FILIP1L: variants seen among roughly 807,000 people sequenced by gnomAD.
FILIP1L encodes the protein filamin A-interacting protein 1-like.
FILIP1L carries 55 observed loss-of-function variants against 96.6 expected under a neutral mutation model. The ratio of observed to expected loss-of-function variants is 0.57; its 90% CI spans 0.46 to 0.71. The LOEUF (loss-of-function observed/expected upper bound fraction) is 0.71. Ranked by LOEUF, FILIP1L falls within the 30% of genes least tolerant of loss-of-function variation. The pLI is 0.00. For missense variants in FILIP1L, 1,304 were observed against 1,321.2 expected, an observed-to-expected ratio of 0.99 and a Z score of 0.20; for synonymous variants, 467 against 473.9, an observed-to-expected ratio of 0.99 and a Z score of 0.19.
chr3:99,842,543 A>G (rs541551553), intron 5 of FILIP1L, among the ~76,000 whole-genome samples: 1 of 152,280 alleles, frequency 6.6e-6, no homozygotes, highest in East Asian at 1.9e-4. Context: ...TAACCCCTCA[A>G]ATATCATACC....
intron 1 of FILIP1L, chr3:100,023,514 G>A (rs1018125549): frequency 6.6e-6 from 1 of 152,594 alleles, no homozygotes; most frequent in Non-Finnish European, 1.5e-5. Flanking sequence ...TACTAAATGT[G>A]AAAGAACTGT....
chr3:100,014,206 T>A (rs1036717992), intron 1 of FILIP1L, among the ~76,000 whole-genome samples: 1 of 150,888 alleles, frequency 6.6e-6, no homozygotes, highest in Non-Finnish European at 1.5e-5. Flanking sequence ...ATATATATAT[T>A]ATATATATAT....
At chr3:99,994,639 G>A (rs550244327) in intron 1 of FILIP1L, among the ~76,000 whole-genome samples, 66 of 152,226 alleles carry the variant, frequency 4.3e-4, no homozygotes, top group African/African-American at 1.5e-3. Context: ...CAATCACTGG[G>A]TGTATTAGTC....
chr3:100,007,394 A>G (rs1710018222), intron 1 of FILIP1L, among the ~76,000 whole-genome samples: 1 of 152,186 alleles, frequency 6.6e-6, no homozygotes. Context: ...TGGCTCGCTA[A>G]TGCATTTTGT....
intron 5 of FILIP1L, among the ~76,000 whole-genome samples, chr3:99,838,847 GCCCT>G (rs972464690): frequency 2.0e-5 from 3 of 151,762 alleles, no homozygotes; most frequent in Admixed American, 1.3e-4. Context: ...TTTGTTTTTT[GCCCT>G]CTCTTTTATG....
intron 1 of FILIP1L, among the ~76,000 whole-genome samples, chr3:100,074,163 A>G (rs2065808789): frequency 6.6e-6 from 1 of 152,216 alleles, no homozygotes; most frequent in South Asian, 2.1e-4. Flanking sequence ...GTTGTCATTA[A>G]AGAAGAATCC....
chr3:99,833,094 C>G, intron 5 of FILIP1L: 1 of 718,678 alleles, frequency 1.4e-6, no homozygotes. Flanking sequence ...TGGGTTTCAT[C>G]AAAGAGCAGA....
chr3:99,953,894 C>A (rs951287472), intron 1 of FILIP1L, among the ~76,000 whole-genome samples: 6 of 152,246 alleles, frequency 3.9e-5, no homozygotes, highest in African/African-American at 1.2e-4. Flanking sequence ...GGCACCAAGG[C>A]ATACCTCCCA....
chr3:99,896,273 G>A (rs765669021), intron 4 of FILIP1L, among the ~76,000 whole-genome samples: 1 of 152,188 alleles, frequency 6.6e-6, no homozygotes, highest in Non-Finnish European at 1.5e-5. Context: ...GGAAACTATA[G>A]GAGGAAAATG....
At chr3:99,908,175 C>A (rs1272518986) in intron 4 of FILIP1L, among the ~76,000 whole-genome samples, 1 of 152,322 alleles carries the variant, frequency 6.6e-6, no homozygotes, top group East Asian at 1.9e-4. Flanking sequence ...ATAGCCCATG[C>A]AGCTGGATAT....
intron 1 of FILIP1L, among the ~76,000 whole-genome samples, chr3:100,053,799 T>G (rs539511326): frequency 1.3e-5 from 2 of 152,330 alleles, no homozygotes; most frequent in Admixed American, 1.3e-4. Context: ...ACTAATCAAT[T>G]CTTTAGTGAC....
chr3:99,832,242 T>G (rs1489668919), intron 5 of FILIP1L, among the ~76,000 whole-genome samples: 1 of 151,292 alleles, frequency 6.6e-6, no homozygotes, highest in Non-Finnish European at 1.5e-5. Context: ...TTTTTTTTTT[T>G]TTTTTTGAGA....
intron 1 of FILIP1L, among the ~76,000 whole-genome samples, chr3:100,056,533 C>T (rs1043873061): frequency 6.6e-6 from 1 of 152,246 alleles, no homozygotes; most frequent in South Asian, 2.1e-4. Context: ...AACATTTTAG[C>T]CTCCAGGTCA....
intron 1 of FILIP1L, among the ~76,000 whole-genome samples, chr3:99,987,497 C>T (rs1294418312): frequency 6.7e-6 from 1 of 149,128 alleles, no homozygotes; most frequent in Non-Finnish European, 1.5e-5. Context: ...CCACTGCACT[C>T]CAGCCTGGGT....
intron 4 of FILIP1L, among the ~76,000 whole-genome samples, chr3:99,861,466 T>C (rs1944249893): frequency 6.6e-6 from 1 of 152,226 alleles, no homozygotes; most frequent in Non-Finnish European, 1.5e-5. Flanking sequence ...AGCATTGTGA[T>C]GGTGCTCCTC....
intron 1 of FILIP1L, among the ~76,000 whole-genome samples, chr3:100,098,243 G>A (rs908452960): frequency 6.6e-6 from 1 of 152,150 alleles, no homozygotes; most frequent in Non-Finnish European, 1.5e-5. Flanking sequence ...TACCTGTATT[G>A]GTGATGATAA....
intron 4 of FILIP1L, among the ~76,000 whole-genome samples, chr3:99,878,744 G>C (rs968776457): frequency 6.6e-6 from 1 of 152,180 alleles, no homozygotes; most frequent in African/African-American, 2.4e-5. Context: ...CGAAAGTCAA[G>C]GGTTTTGAGG....
intron 1 of FILIP1L, among the ~76,000 whole-genome samples, chr3:100,055,370 G>A (rs1265020357): frequency 2.6e-5 from 4 of 152,068 alleles, no homozygotes; most frequent in Non-Finnish European, 4.4e-5. Context: ...GAAAATCAAG[G>A]TGACTGTATG....
intron 1 of FILIP1L, among the ~76,000 whole-genome samples, chr3:100,091,985 G>A (rs2066118256): frequency 6.6e-6 from 1 of 152,144 alleles, no homozygotes; most frequent in Admixed American, 6.5e-5. Flanking sequence ...TCTGTCCTAG[G>A]GCAAGTTGCT....
Sources: allele counts gnomAD v4.1 joint callset (sites outside exome capture counted in the v4.1 genomes callset), GRCh38; gene constraint gnomAD v4.1.1; transcripts MANE v1.5; gene names NCBI Gene and HGNC (gene_info 2026-07-23, HGNC 2026-07-21).